PHTF1: variants seen among roughly 807,000 people sequenced by gnomAD.
PHTF1 encodes putative homeodomain transcription factor 1, also known as protein PHTF1.
In PHTF1, 88 loss-of-function variants were observed where a neutral mutation model predicts 102.4. The ratio of observed to expected loss-of-function variants is 0.86; its 90% CI spans 0.72 to 1.03. PHTF1 has a LOEUF of 1.03. Among genes scored for constraint, PHTF1 ranks in the 50% least tolerant of loss-of-function variants. PHTF1 has a pLI of 0.00. For synonymous variants in PHTF1, 289 were observed against 305.2 expected (o/e 0.95, Z 0.55); for missense variants, 814 against 909.5 (o/e 0.89, Z 1.35).
chr1:113,724,797 G>A lies in PHTF1; in HGVS notation c.585C>T (p.Pro195=). Reference sequence around the variant, plus strand: ...TAGTCTCCCAAAAACCACCAATAATGGGTACAGATTCCAAAGTTTCTATTC... The same window carrying A: ...TAGTCTCCCAAAAACCACCAATAATAGGTACAGATTCCAAAGTTTCTATTC... ...VRGIETLESV[P]IIGGFWETIF... The change falls in exon 7 of 19, where the codon CCC becomes CCT. Residue 195 remains proline, a synonymous_variant. Coordinates refer to ENST00000369604, the MANE Select transcript of PHTF1 (RefSeq NM_001323043.2). The A allele has an allele frequency of 6.2e-7, 1 of 1,609,634 alleles. No individual in the cohort carries two copies. Among genetic ancestry groups the A allele is most frequent in the Middle Eastern group, 1.7e-4 (1 of 6,048 alleles).
chr1:113,730,821 T>C (rs549934072), intron 5 of PHTF1, among the ~76,000 whole-genome samples: 1 of 152,232 alleles, frequency 6.6e-6, no homozygotes, highest in Non-Finnish European at 1.5e-5. Flanking sequence ...CTACATACAA[T>C]GGAATACAAT....
chr1:113,758,888 A>C (rs1571280076), intron 1 of PHTF1, 135 bp downstream of exon 1: 1 of 1,294,036 alleles, frequency 7.7e-7, no homozygotes, highest in South Asian at 2.1e-5. Flanking sequence ...ACAAAAAAAA[A>C]CTGGCGCAGC....
chr1:113,726,315 A>G, intron 6 of PHTF1, 103 bp downstream of exon 6: 1 of 927,606 alleles, frequency 1.1e-6, no homozygotes, highest in Non-Finnish European at 1.6e-6. Context: ...AAAAATAATG[A>G]AAAACACAAA....
intron 3 of PHTF1, among the ~76,000 whole-genome samples, chr1:113,751,732 T>C (rs1382174121): frequency 1.3e-5 from 2 of 152,304 alleles, no homozygotes; most frequent in Non-Finnish European, 1.5e-5. Flanking sequence ...ACCCTAAATA[T>C]AGGTAGATAC....
At chr1:113,726,924 G>A (rs1410613416) in intron 5 of PHTF1, among the ~76,000 whole-genome samples, 1 of 152,168 alleles carries the variant, frequency 6.6e-6, no homozygotes, top group Non-Finnish European at 1.5e-5. Context: ...TACACAGAAA[G>A]CAAACAGCAA....
At chr1:113,710,801 T>C (rs1288547471) in intron 10 of PHTF1, among the ~76,000 whole-genome samples, 1 of 87,996 alleles carries the variant, frequency 1.1e-5, no homozygotes, top group Non-Finnish European at 2.4e-5. Context: ...GATATATATA[T>C]ATATATATAT....
At chr1:113,722,144 T>C (rs554701445) in intron 7 of PHTF1, among the ~76,000 whole-genome samples, 53 of 151,572 alleles carry the variant, frequency 3.5e-4, no homozygotes, top group African/African-American at 1.2e-3. Flanking sequence ...CTATAAAACA[T>C]AGATGTAAGA....
At chr1:113,725,500 C>T (rs752965072) in intron 6 of PHTF1, 2 of 152,064 alleles carry the variant, frequency 1.3e-5, no homozygotes, top group Non-Finnish European at 2.9e-5. Context: ...TAATTGCTTA[C>T]GCAGGCAAAA....
At chr1:113,742,980 G>A in intron 3 of PHTF1, among the ~76,000 whole-genome samples, 1 of 151,830 alleles carries the variant, frequency 6.6e-6, no homozygotes, top group Non-Finnish European at 1.5e-5. Flanking sequence ...TGTTGTTGTT[G>A]TTGTTGTTGT....
chr1:113,719,527 CAT>C (rs1014466829), intron 7 of PHTF1, among the ~76,000 whole-genome samples: 18 of 152,218 alleles, frequency 1.2e-4, no homozygotes, highest in African/African-American at 4.3e-4. Context: ...TTTGCTAAAA[CAT>C]AACAAGAGTC....
At chr1:113,728,052 G>T (rs185190341) in intron 5 of PHTF1, among the ~76,000 whole-genome samples, 1 of 152,158 alleles carries the variant, frequency 6.6e-6, no homozygotes, top group Non-Finnish European at 1.5e-5. Context: ...TCACAACACT[G>T]CACTCCAGCC....
intron 5 of PHTF1, among the ~76,000 whole-genome samples, chr1:113,734,926 C>A (rs1268527176): frequency 6.6e-6 from 1 of 152,168 alleles, no homozygotes; most frequent in East Asian, 1.9e-4. Context: ...CACCTTGATC[C>A]TGGACTTCAC....
chr1:113,724,691 T>C (rs1196620467), intron 7 of PHTF1, 68 bp downstream of exon 7: 1 of 1,264,944 alleles, frequency 7.9e-7, no homozygotes, highest in Non-Finnish European at 1.1e-6. Context: ...CTTACTCCTA[T>C]GGCCTGATGA....
rs1649712444 is a variant in PHTF1, at chr1:113,703,832, C to A, written c.1890+249G>T. ...GTCAGAAAATCAGTTATTTTGCAAC[C>A]ATATGATAGTTTTATTATCAATTAA... is the stretch of plus-strand genomic sequence containing the variant. On this transcript the variant is annotated intron_variant, in intron 15 of 18. Coordinates refer to ENST00000369604, the MANE Select transcript of PHTF1 (RefSeq NM_001323043.2). 2.5e-5 allele frequency: 11 copies of A among 432,268 alleles called. No homozygotes were observed. The East Asian group carries it at 2.9e-4, about 11-fold the overall frequency. The allele number at this position is 432,268 out of a possible 1,614,324, so 26.8% of individuals were successfully genotyped here.
intron 5 of PHTF1, among the ~76,000 whole-genome samples, chr1:113,736,285 T>C (rs1046174940): frequency 6.9e-6 from 1 of 144,800 alleles, no homozygotes; most frequent in Non-Finnish European, 1.5e-5. Flanking sequence ...GAGCTTGCAG[T>C]GAGCCAAGAT....
chr1:113,698,655 A>G (rs146190851), intron 17 of PHTF1, among the ~76,000 whole-genome samples: 1,702 of 151,592 alleles, frequency 0.011, 32 homozygotes, highest in African/African-American at 0.039. Context: ...ACACACACAC[A>G]CACATACACA....
chr1:113,750,452 C>A (rs544001599), intron 3 of PHTF1, among the ~76,000 whole-genome samples: 93 of 152,044 alleles, frequency 6.1e-4, no homozygotes, highest in African/African-American at 2.1e-3. Context: ...TTTGTTCACT[C>A]TAATATTAAT....
intron 5 of PHTF1, among the ~76,000 whole-genome samples, chr1:113,736,783 A>C (rs141981522): frequency 6.6e-6 from 1 of 152,276 alleles, no homozygotes; most frequent in East Asian, 1.9e-4. Flanking sequence ...TGAAGAACAA[A>C]AAAAGGATAT....
At chr1:113,698,159 AC>A (rs1648998293) in intron 18 of PHTF1, 102 bp downstream of exon 18, 11 of 104,876 alleles carry the variant, frequency 1.0e-4, no homozygotes, top group East Asian at 2.1e-4. Flanking sequence ...AGAAACACAC[AC>A]ACACACACAC....
Sources: gnomAD v4.1 joint callset for allele counts (sites outside exome capture counted in the v4.1 genomes callset) on GRCh38, gnomAD v4.1.1 for gene constraint, MANE v1.5 for transcripts, NCBI Gene and HGNC (gene_info 2026-07-23, HGNC 2026-07-21) for gene names.